ACOT11: variants seen among roughly 807,000 people sequenced by gnomAD.
The protein encoded by ACOT11 is acyl-coenzyme A thioesterase 11.
In ACOT11, 69 loss-of-function variants were observed where a neutral mutation model predicts 77.5. That is an observed-to-expected ratio of 0.89 (90% CI 0.73 to 1.09). The LOEUF is 1.09. ACOT11 is among the 50% of genes least tolerant of loss of function. ACOT11 has a pLI of 0.00. For missense variants in ACOT11, 766 were observed against 813.7 expected (o/e 0.94, Z 0.71); for synonymous variants, 279 against 313.0 (o/e 0.89, Z 1.15).
At position 54,623,036 on chromosome 1, in the gene ACOT11, C is replaced by T. The variant is rs369701043; in HGVS notation, c.1630-7698C>T. 1.4e-3 allele frequency among the ~76,000 whole-genome samples: 214 copies of T among 151,638 alleles called. 2 individuals carry two copies. The highest frequency in any genetic ancestry group is 0.013 in the East Asian group (67 of 5,090). ...CTAAAATTACAAAAAATTAGCTGGG[C>T]GTGGTGGCGGGTGCCTGTAATCCCA... On this transcript the variant is annotated intron_variant, in intron 15 of 16. Transcript: ENST00000371316.
chr1:54,579,320 T>C (rs1366512179), intron 1 of ACOT11, among the ~76,000 whole-genome samples: 3 of 152,320 alleles, frequency 2.0e-5, no homozygotes, highest in Middle Eastern at 3.4e-3. Flanking sequence ...TCCTCTCTTA[T>C]TTGGTTCCTT....
intron 15 of ACOT11, chr1:54,623,602 C>T (rs1644252722): frequency 1.8e-6 from 1 of 547,632 alleles, no homozygotes; most frequent in African/African-American, 1.9e-5. Flanking sequence ...CTTCCCCACA[C>T]CCTCCCAGGA....
At chr1:54,632,723 A>G (rs1180270439) in intron 16 of ACOT11, among the ~76,000 whole-genome samples, 1 of 152,188 alleles carries the variant, frequency 6.6e-6, no homozygotes, top group Non-Finnish European at 1.5e-5. Flanking sequence ...AGAAATTTAA[A>G]GGTTTGGTAG....
intron 1 of ACOT11, among the ~76,000 whole-genome samples, chr1:54,574,564 A>T (rs1654037053): frequency 6.6e-6 from 1 of 152,182 alleles, no homozygotes; most frequent in Admixed American, 6.5e-5. Context: ...TCTACAAAGT[A>T]TTTGGGATTC....
intron 15 of ACOT11, chr1:54,619,835 C>A (rs781675609): frequency 3.1e-6 from 5 of 1,611,080 alleles, no homozygotes; most frequent in Non-Finnish European, 4.2e-6. Context: ...CTTGCCCTGG[C>A]CTGCCTCAGT....
At chr1:54,602,593 T>C in intron 9 of ACOT11, 76 bp from the exon 10 acceptor site, 3 of 1,362,880 alleles carry the variant, frequency 2.2e-6, no homozygotes, top group Non-Finnish European at 2.9e-6. Flanking sequence ...CAGGAACTCC[T>C]TGGGCCCTGG....
In ACOT11 at chr1:54,584,596, T is replaced by C; in HGVS notation, c.34-59T>C. The C allele has an allele frequency of 6.5e-7, 1 of 1,527,066 alleles. No individual in the cohort carries two copies. The highest frequency in any genetic ancestry group is 1.9e-5 in the Admixed American group (1 of 53,832). The allele number at this position is 1,527,066 out of a possible 1,614,324, so 94.6% of individuals were successfully genotyped here. A position where few individuals can be genotyped will look rare whatever the true frequency, so the allele number is the denominator to read the frequency against. On this transcript the variant is annotated intron_variant, in intron 1 of 15. Coordinates refer to ENST00000343744, the MANE Select transcript of ACOT11 (RefSeq NM_147161.4). This position sits in a 1 kb window ranked among gnomAD's most constrained non-coding sequence, Gnocchi z 6.3. ...CTAAGTTCTCAGGGCTGGACAGACC[T>C]GGGAGACCCTGCAGCAAGCAGACCT...
chr1:54,612,669 AG>A (rs1644131920), downstream of ACOT11: 1 of 1,613,934 alleles, frequency 6.2e-7, no homozygotes, highest in South Asian at 1.1e-5. Context: ...GCCTGGAGAT[AG>A]GGTAGCCTTG....
At chr1:54,631,928 G>T (rs968988784) in intron 16 of ACOT11, among the ~76,000 whole-genome samples, 11 of 152,292 alleles carry the variant, frequency 7.2e-5, no homozygotes, top group Non-Finnish European at 1.2e-4. Flanking sequence ...GCCTATGATG[G>T]TATCGGAGGT....
At chr1:54,590,158 C>T (rs189011959) in intron 3 of ACOT11, among the ~76,000 whole-genome samples, 3 of 150,588 alleles carry the variant, frequency 2.0e-5, no homozygotes, top group South Asian at 2.1e-4. Context: ...TCTCTGGCAC[C>T]GTCTCTCTCT....
chr1:54,601,086 T>C (rs1655534), intron 8 of ACOT11, among the ~76,000 whole-genome samples, 183 bp from the exon 9 acceptor site: 66,549 of 151,218 alleles, frequency 0.44, 15,266 homozygotes, highest in Non-Finnish European at 0.52. Context: ...AGTGTGTGTG[T>C]GCATACATGT....
At chr1:54,592,421 T>C (rs1569729771) in intron 3 of ACOT11, 125 bp from the exon 4 acceptor site, 1 of 867,626 alleles carries the variant, frequency 1.2e-6, no homozygotes, top group East Asian at 2.6e-5. Flanking sequence ...CAGATGTGAA[T>C]ATGCCCTGCA....
At chr1:54,596,403 T>TG (rs1654899523) in intron 6 of ACOT11, among the ~76,000 whole-genome samples, 1 of 152,198 alleles carries the variant, frequency 6.6e-6, no homozygotes, top group South Asian at 2.1e-4. Context: ...TTGGGTTTGG[T>TG]GGGGCATGCC....
intron 12 of ACOT11, 46 bp from the exon 13 acceptor site, chr1:54,605,030 T>A (rs1644008312): frequency 3.2e-6 from 5 of 1,576,206 alleles, no homozygotes; most frequent in Non-Finnish European, 4.3e-6. Context: ...TCCCCATCAG[T>A]CCACTCCACC....
In ACOT11 at chr1:54,562,225, C is replaced by A. The variant is rs1477053996; in HGVS notation, c.33+13883C>A. On this transcript the variant is annotated intron_variant, in intron 1 of 15. Coordinates refer to ENST00000343744, the MANE Select transcript of ACOT11 (RefSeq NM_147161.4). The stretch of plus-strand genomic sequence containing the variant: ...CGGCTGGCCGGGCGGAGGGCTGACC[C>A]CCCCACCTCCCTCCCGGACGGGGCG... Among the ~76,000 whole-genome samples, 966 of 97,066 alleles carry A rather than the reference C, an allele frequency of 1.0e-2. 1 individual carries two copies. The highest frequency in any genetic ancestry group is 0.029 in the East Asian group (85 of 2,896). The allele number at this position is 97,066 out of a possible 152,430, so 63.7% of individuals were successfully genotyped here. A position where few individuals can be genotyped will look rare whatever the true frequency, so the allele number is the denominator to read the frequency against.
At chr1:54,635,204 G>A in exon 17 of ACOT11, 1 of 229,890 alleles carries the variant, frequency 4.3e-6, no homozygotes, top group Non-Finnish European at 8.5e-6. Context: ...CAGAGATGCT[G>A]CACAACGATT....
chr1:54,590,755 T>C (rs1281630074), intron 3 of ACOT11, among the ~76,000 whole-genome samples: 1 of 152,100 alleles, frequency 6.6e-6, no homozygotes, highest in African/African-American at 2.4e-5. Flanking sequence ...TAAATACATA[T>C]ACTTTTTTTC....
downstream of ACOT11, chr1:54,612,601 C>A: frequency 1.2e-6 from 2 of 1,611,320 alleles, no homozygotes; most frequent in East Asian, 2.2e-5. Context: ...TGCATCTTCT[C>A]CACCATGGCT....
intron 15 of ACOT11, among the ~76,000 whole-genome samples, chr1:54,626,004 T>C (rs1644270415): frequency 6.6e-6 from 1 of 151,162 alleles, no homozygotes; most frequent in African/African-American, 2.4e-5. Flanking sequence ...CTCACACCTG[T>C]AATCCCAGCA....
Sources: allele counts gnomAD v4.1 joint callset (sites outside exome capture counted in the v4.1 genomes callset), GRCh38; gene constraint gnomAD v4.1.1; non-coding constraint Gnocchi (gnomAD v3.1); transcripts MANE v1.5; gene names NCBI Gene and HGNC (gene_info 2026-07-23, HGNC 2026-07-21).